Variants in MAMDC2 observed in about 807,000 individuals in gnomAD.
MAMDC2 encodes MAM domain containing 2, also known as MAM domain-containing protein 2.
MAMDC2 carries 57 observed loss-of-function variants against 89.8 expected under a neutral mutation model. The observed-to-expected ratio is 0.63, with a 90% CI of 0.51 to 0.79. MAMDC2 has a LOEUF of 0.79. Among genes scored for constraint, MAMDC2 ranks in the 30% least tolerant of loss-of-function variants. MAMDC2 has a pLI of 0.00. For missense variants in MAMDC2, 800 were observed against 820.6 expected (o/e 0.97, Z 0.31); for synonymous variants, 313 against 293.4 (o/e 1.07, Z -0.68).
At chr9:70,130,256 AC>A (rs2030745267) in intron 6 of MAMDC2, among the ~76,000 whole-genome samples, 1 of 152,060 alleles carries the variant, frequency 6.6e-6, no homozygotes, top group Admixed American at 6.6e-5. Flanking sequence ...TCAACCCATA[AC>A]AGGCCTGACT....
intron 9 of MAMDC2, 132 bp downstream of exon 9, chr9:70,143,951 C>A: frequency 2.9e-6 from 3 of 1,044,800 alleles, no homozygotes; most frequent in East Asian, 2.4e-5. Context: ...ACCCTTACAC[C>A]CTACTCCCAG....
In MAMDC2 at chr9:70,129,016, C is replaced by T. The variant is rs147736366; in HGVS notation, c.901-2503C>T. ...CTTGTTATGTGCCTGACTCTGTGCT[C>T]GGATATTTGTATACATTATCTCATT... On this transcript the variant is annotated intron_variant, in intron 6 of 13. Transcript: ENST00000377182. Among the ~76,000 whole-genome samples the T allele has an allele frequency of 4.3e-4, 65 of 152,200 alleles. No homozygotes were observed. The East Asian group carries it at 0.012, about 28-fold the overall frequency.
intron 8 of MAMDC2, among the ~76,000 whole-genome samples, chr9:70,141,004 TAGG>T (rs1399055134): frequency 1.3e-5 from 2 of 152,278 alleles, no homozygotes; most frequent in East Asian, 3.9e-4. Context: ...GCTTGATCTC[TAGG>T]AGTTCAGTGT....
intron 9 of MAMDC2, among the ~76,000 whole-genome samples, chr9:70,146,587 G>T (rs2031410957): frequency 1.3e-5 from 2 of 152,080 alleles, no homozygotes; most frequent in African/African-American, 4.8e-5. Flanking sequence ...TAAGACAAGG[G>T]ATAAAATGAG....
At chr9:70,109,658 C>G in intron 3 of MAMDC2, 62 bp from the exon 4 acceptor site, 1 of 1,372,896 alleles carries the variant, frequency 7.3e-7, no homozygotes, top group Non-Finnish European at 1.0e-6. Context: ...AGCTGAAATA[C>G]TGAACCAAGG....
At chr9:70,109,103 C>T (rs1828429465) in intron 3 of MAMDC2, 1 of 152,328 alleles carries the variant, frequency 6.6e-6, no homozygotes, top group Non-Finnish European at 1.5e-5. Context: ...TCATCGGGGA[C>T]ACAATGGAGC....
At chr9:70,098,241 G>A (rs963866990) in intron 2 of MAMDC2, among the ~76,000 whole-genome samples, 7 of 152,186 alleles carry the variant, frequency 4.6e-5, no homozygotes, top group African/African-American at 1.7e-4. Flanking sequence ...AGGTGGCTCT[G>A]TAACCCTTTA....
rs530520406 is a variant in MAMDC2 at position 70,139,108 on chromosome 9, CTTTTTA to C, written c.995-1033_995-1028del. Among the ~76,000 whole-genome samples, 5 of 151,102 alleles carry C rather than the reference CTTTTTA, an allele frequency of 3.3e-5. No individual in the cohort carries two copies. In the South Asian group the frequency reaches 1.0e-3, roughly 31 times the overall value. On this transcript the variant is annotated intron_variant, in intron 7 of 13. Transcript: ENST00000377182. ...CATTCACAGTCATGACAGGAAATTTCTTTTTATTTATTTATTATTATTATTATTATA... is the reference window on the plus strand; with the variant it reads ...CATTCACAGTCATGACAGGAAATTTCTTTATTTATTATTATTATTATTATA...
intron 9 of MAMDC2, among the ~76,000 whole-genome samples, chr9:70,145,655 C>T (rs1204282915): frequency 6.6e-6 from 1 of 152,156 alleles, no homozygotes; most frequent in East Asian, 1.9e-4. Context: ...ATCTTCGTTA[C>T]ACTCTATGTC....
intron 2 of MAMDC2, among the ~76,000 whole-genome samples, chr9:70,058,354 A>C (rs1038384795): frequency 1.3e-5 from 2 of 152,188 alleles, no homozygotes; most frequent in African/African-American, 4.8e-5. Flanking sequence ...CTAAGAACAT[A>C]ACCATTCTGC....
intron 11 of MAMDC2, chr9:70,217,458 T>C (rs2033470654): frequency 5.7e-6 from 8 of 1,403,960 alleles, no homozygotes; most frequent in African/African-American, 5.6e-5. Context: ...CATCTCTTGC[T>C]GATATAATGG....
intron 2 of MAMDC2, among the ~76,000 whole-genome samples, chr9:70,103,986 T>TAAA: frequency 1.4e-5 from 2 of 141,554 alleles, no homozygotes; most frequent in South Asian, 4.5e-4. Flanking sequence ...CGTCTCCATT[T>TAAA]AAAAAAAAAA....
At chr9:70,057,549 G>A (rs1462720191) in intron 2 of MAMDC2, among the ~76,000 whole-genome samples, 2 of 152,238 alleles carry the variant, frequency 1.3e-5, no homozygotes, top group East Asian at 3.9e-4. Flanking sequence ...TTGTCAAGAT[G>A]GTTATTAGGA....
chr9:70,120,481 G>A (rs1162912547), intron 5 of MAMDC2, among the ~76,000 whole-genome samples: 1 of 152,172 alleles, frequency 6.6e-6, no homozygotes, highest in African/African-American at 2.4e-5. Context: ...CTTCCCTGGA[G>A]AGGTCAAAAG....
At chr9:70,116,697 G>GAAA (rs34849432) in intron 5 of MAMDC2, among the ~76,000 whole-genome samples, 12 of 112,862 alleles carry the variant, frequency 1.1e-4, no homozygotes, top group East Asian at 2.3e-4. Flanking sequence ...TTTGGCATTA[G>GAAA]AAAAAAAAAA....
chr9:70,075,083 T>C (rs1478268124), intron 2 of MAMDC2, among the ~76,000 whole-genome samples: 1 of 152,214 alleles, frequency 6.6e-6, no homozygotes, highest in Non-Finnish European at 1.5e-5. Flanking sequence ...TGAAAGTGTT[T>C]ACAACGTTTA....
At chr9:70,145,170 C>T (rs567778679) in intron 9 of MAMDC2, among the ~76,000 whole-genome samples, 6 of 152,116 alleles carry the variant, frequency 3.9e-5, no homozygotes, top group African/African-American at 7.2e-5. Context: ...TATTTGTATG[C>T]GAATTAAGTA....
chr9:70,219,411 C>T (rs79324330), intron 12 of MAMDC2, among the ~76,000 whole-genome samples: 10,492 of 152,286 alleles, frequency 0.069, 580 homozygotes, highest in East Asian at 0.22. Context: ...CACCTTCCTA[C>T]TCATTCTTAC....
intron 11 of MAMDC2, among the ~76,000 whole-genome samples, chr9:70,179,723 G>A (rs2032593473): frequency 6.7e-6 from 1 of 150,200 alleles, no homozygotes; most frequent in Non-Finnish European, 1.5e-5. Context: ...ATTCCAGCCA[G>A]GATGGGTATA....
Sources: allele counts gnomAD v4.1 joint callset (sites outside exome capture counted in the v4.1 genomes callset), GRCh38; gene constraint gnomAD v4.1.1; transcripts MANE v1.5; gene names NCBI Gene and HGNC (gene_info 2026-07-23, HGNC 2026-07-21).